The following CUBN variants were observed in gnomAD, a reference collection of about 807,000 sequenced individuals.
CUBN encodes the protein cubilin, also known as 460 kDa receptor.
A neutral mutation model predicts 405.3 loss-of-function variants in CUBN; 282 were observed. That is an observed-to-expected ratio of 0.70 (90% confidence interval 0.63 to 0.77). CUBN has a LOEUF of 0.77. Ranked by LOEUF, CUBN falls within the 30% of genes least tolerant of loss-of-function variation. The pLI is 0.00. For missense variants in CUBN, 4,514 were observed against 4,475.2 expected (o/e 1.01, Z -0.25); for synonymous variants, 1,684 against 1,617.0 (o/e 1.04, Z -0.99).
intron 45 of CUBN, 33 bp from the exon 46 acceptor site, chr10:16,916,063 AAAGC>A (rs753903890): frequency 1.9e-6 from 3 of 1,586,736 alleles, no homozygotes; most frequent in East Asian, 2.2e-5. Context: ...AATAAATAAG[AAAGC>A]AAGCAAGCAA....
chr10:16,978,741 A>G (rs893970405), intron 31 of CUBN, among the ~76,000 whole-genome samples: 3 of 152,196 alleles, frequency 2.0e-5, no homozygotes, highest in Non-Finnish European at 2.9e-5. Flanking sequence ...ACACAAATGA[A>G]AGATGAAAAA....
rs1464298569 is a variant in CUBN at position 16,906,280 on chromosome 10, G to A, written c.7835C>T (p.Ser2612Phe). Residue 2612 changes from serine to phenylalanine, a missense_variant, in exon 50 of 67, where the codon TCC (serine) becomes TTC (phenylalanine). Physicochemically the swap from Ser to Phe is radical, Grantham distance 155. This residue lies in a region of CUBN where 1,613 missense variants were observed against 1,542.8 expected (regional missense o/e 1.05). Transcript: ENST00000377833. ...TLSNPNQGNS[S>F]ISIHFEDFYL... The stretch of plus-strand genomic sequence containing the variant: ...AAAATCTTCAAAGTGAATGGAAATG[G>A]ATGAATTTCCCTGATTTGGATTGCT... 5 of 1,613,610 alleles carry A rather than the reference G, an allele frequency of 3.1e-6. No individual in the cohort carries two copies. Among genetic ancestry groups the A allele is most frequent in the Non-Finnish European group, 4.2e-6 (5 of 1,179,486 alleles).
chr10:16,898,610 G>A (rs10904834), intron 54 of CUBN, among the ~76,000 whole-genome samples: 58,000 of 151,618 alleles, frequency 0.38, 12,404 homozygotes, highest in Middle Eastern at 0.53. Context: ...TTTTGAAAGA[G>A]CTTTGCTCTC....
intron 54 of CUBN, among the ~76,000 whole-genome samples, chr10:16,892,577 G>T (rs1010999302): frequency 2.0e-5 from 3 of 151,880 alleles, no homozygotes; most frequent in African/African-American, 7.3e-5. Context: ...CCGCAGCCTC[G>T]ACCTTCTGGA....
Position 16,940,146 on chromosome 10 carries a change from A to G in CUBN, c.5434T>C (p.Cys1812Arg). 2 of 1,614,152 alleles carry G rather than the reference A, an allele frequency of 1.2e-6. No individual in the cohort carries two copies. Among genetic ancestry groups the G allele is most frequent in the Non-Finnish European group, 1.7e-6 (2 of 1,179,970 alleles). Reference protein sequence around the residue: ...NATGHLVGRYCGNSFPLNYSS... With the variant: ...NATGHLVGRYRGNSFPLNYSS... ...TAATTGAGAGGGAAGGAGTTTCCAC[A>G]GTATCGTCCCACCAAGTGACCCGTG... is the stretch of plus-strand genomic sequence containing the variant. The change falls in exon 37 of 67, where the codon TGT becomes CGT. Residue 1812 changes from cysteine to arginine, a missense_variant. Physicochemically the swap from Cys to Arg is radical, Grantham distance 180. This residue lies in a region of CUBN where 1,613 missense variants were observed against 1,542.8 expected (regional missense o/e 1.05). Coordinates refer to ENST00000377833, the MANE Select transcript of CUBN (RefSeq NM_001081.4).
At chr10:16,986,201 G>A (rs1384822077) in intron 29 of CUBN, among the ~76,000 whole-genome samples, 1 of 152,194 alleles carries the variant, frequency 6.6e-6, no homozygotes, top group East Asian at 1.9e-4. Flanking sequence ...TCCATGTACA[G>A]GCACTCAGGA....
rs1306289540 is a variant in CUBN, at chr10:16,954,550, T to G, written c.4696-2A>C. On this transcript the variant is annotated splice_acceptor_variant, in intron 31 of 66. Coordinates refer to ENST00000377833, the MANE Select transcript of CUBN (RefSeq NM_001081.4). LOFTEE classifies it high-confidence loss of function. Reference sequence around the variant, plus strand: ...TGTGGAGCTTAAGCCATCGTATGCCTACAAGAAAGGAGACAGGGCAAACAG... The same window carrying G: ...TGTGGAGCTTAAGCCATCGTATGCCGACAAGAAAGGAGACAGGGCAAACAG... The G allele has an allele frequency of 6.2e-7, 1 of 1,613,120 alleles. No homozygotes were observed. The highest frequency in any genetic ancestry group is 1.7e-5 in the Admixed American group (1 of 59,984).
In CUBN at chr10:16,874,445, G is replaced by A. The variant is rs146539020; in HGVS notation, c.9165C>T (p.Tyr3055=). Residue 3055 remains tyrosine, a synonymous_variant, in exon 58 of 67, where the codon TAC becomes TAT. Transcript: ENST00000377833. ...AGTGCATATCATTTGGGTAGTCTGC[G>A]TATGAATAGGCAGGACTTGTGATGA... is the stretch of plus-strand genomic sequence containing the variant. ...SGIITSPAYS[Y]ADYPNDMHCL... 119 of 1,613,712 alleles carry A rather than the reference G, an allele frequency of 7.4e-5. No individual in the cohort carries two copies. Among genetic ancestry groups the A allele is most frequent in the African/African-American group, 5.1e-4 (38 of 75,046 alleles).
chr10:17,089,820 G>T (rs565832115), intron 14 of CUBN, among the ~76,000 whole-genome samples: 47 of 152,212 alleles, frequency 3.1e-4, no homozygotes, highest in African/African-American at 6.7e-4. Context: ...GTAACATTTG[G>T]AATTCCAAAA....
At chr10:17,086,712 A>G (rs931913378) in intron 15 of CUBN, among the ~76,000 whole-genome samples, 8 of 152,320 alleles carry the variant, frequency 5.3e-5, no homozygotes, top group African/African-American at 7.2e-5. Context: ...ATATTTTAAT[A>G]TGGTCAATTT....
intron 64 of CUBN, among the ~76,000 whole-genome samples, chr10:16,834,721 G>A (rs1160220688): frequency 6.6e-6 from 1 of 152,052 alleles, no homozygotes; most frequent in Non-Finnish European, 1.5e-5. Flanking sequence ...ACTGAGTTAG[G>A]AACCCCAACC....
At position 17,044,128 on chromosome 10, in the gene CUBN, ATAT is replaced by A. The variant is rs10561723; in HGVS notation, c.3673-148_3673-146del. 0.18 allele frequency: 35,992 copies of A among 200,198 alleles called. 3,845 individuals carry two copies. The highest frequency in any genetic ancestry group is 0.34 in the Middle Eastern group (156 of 464). The allele number at this position is 200,198 out of a possible 1,614,324, so 12.4% of individuals were successfully genotyped here. A position where few individuals can be genotyped will look rare whatever the true frequency, so the allele number is the denominator to read the frequency against. Reference sequence around the variant, plus strand: ...ATAAATATATGTAATTATATATAAAATATTATAAATATTCATTATATATAATAT... The same window carrying A: ...ATAAATATATGTAATTATATATAAAATATAAATATTCATTATATATAATAT... On this transcript the variant is annotated intron_variant, in intron 25 of 66. Transcript: ENST00000377833.
At chr10:17,018,196 C>T (rs533474748) in intron 28 of CUBN, among the ~76,000 whole-genome samples, 9 of 152,188 alleles carry the variant, frequency 5.9e-5, no homozygotes, top group Admixed American at 2.6e-4. Flanking sequence ...AAGAGGTGCC[C>T]GGTATATAGC....
At chr10:17,003,379 G>A (rs1398663676) in intron 28 of CUBN, among the ~76,000 whole-genome samples, 1 of 152,156 alleles carries the variant, frequency 6.6e-6, no homozygotes, top group Non-Finnish European at 1.5e-5. Flanking sequence ...GCCCAGCCCT[G>A]TGAACCTGCG....
intron 28 of CUBN, among the ~76,000 whole-genome samples, chr10:17,008,552 A>G (rs904298255): frequency 6.6e-6 from 1 of 151,332 alleles, no homozygotes; most frequent in Non-Finnish European, 1.5e-5. Context: ...TTGACTTCTC[A>G]GGTCCCTCGG....
At chr10:16,948,201 T>G (rs1030999535) in intron 35 of CUBN, among the ~76,000 whole-genome samples, 9 of 152,132 alleles carry the variant, frequency 5.9e-5, no homozygotes, top group African/African-American at 2.2e-4. Flanking sequence ...CAAGTGAGAC[T>G]CCATCTCAAA....
chr10:17,061,680 T>C (rs1179188519), intron 22 of CUBN, among the ~76,000 whole-genome samples: 1 of 152,192 alleles, frequency 6.6e-6, no homozygotes, highest in Non-Finnish European at 1.5e-5. Flanking sequence ...GAAAGCCCAG[T>C]AGGGCTCATC....
At chr10:17,108,738 T>G (rs990393968) in intron 10 of CUBN, among the ~76,000 whole-genome samples, 1 of 152,154 alleles carries the variant, frequency 6.6e-6, no homozygotes, top group South Asian at 2.1e-4. Flanking sequence ...TTTATCTTTT[T>G]GACTACGTAA....
chr10:17,087,320 T>C (rs1326778862), intron 15 of CUBN, among the ~76,000 whole-genome samples: 3 of 152,148 alleles, frequency 2.0e-5, no homozygotes, highest in Non-Finnish European at 4.4e-5. Flanking sequence ...GGCATTTGAA[T>C]ATAAGAGCCT....
Sources: allele counts gnomAD v4.1 joint callset (sites outside exome capture counted in the v4.1 genomes callset), GRCh38; gene constraint gnomAD v4.1.1; regional missense constraint gnomAD v4.1.1; transcripts MANE v1.5; gene names NCBI Gene and HGNC (gene_info 2026-07-23, HGNC 2026-07-21).